Variants in TGFA observed in about 807,000 individuals in gnomAD.
TGFA encodes the protein transforming growth factor alpha, also known as protransforming growth factor alpha.
In TGFA, 12 loss-of-function variants were observed where a neutral mutation model predicts 21.7. That is an observed-to-expected ratio of 0.55 (90% CI 0.35 to 0.90). The LOEUF is 0.90. TGFA is among the 40% of genes least tolerant of loss of function. The pLI, the probability that TGFA is intolerant of heterozygous loss-of-function variation, is 0.01. For synonymous variants in TGFA, 79 were observed against 88.1 expected (o/e 0.90, Z 0.58); for missense variants, 178 against 210.8 (o/e 0.84, Z 0.96).
rs189132320 is a variant in TGFA at position 70,521,899 on chromosome 2, C to T, written c.41-6987G>A. ...AAGTGCTGGGATTACAGGCGCAGGC[C>T]ACCGTACCGAACCTATTGACAGTTT... On this transcript the variant is annotated intron_variant, in intron 1 of 5. Transcript: ENST00000295400. Among the ~76,000 whole-genome samples, 117 of 152,194 alleles carry T rather than the reference C, an allele frequency of 7.7e-4. 1 individual carries two copies. The highest frequency in any genetic ancestry group is 3.4e-3 in the Middle Eastern group (1 of 294).
At chr2:70,514,698 G>A (rs1672213161) in intron 2 of TGFA, among the ~76,000 whole-genome samples, 161 bp downstream of exon 2, 1 of 152,156 alleles carries the variant, frequency 6.6e-6, no homozygotes, top group Admixed American at 6.5e-5. Flanking sequence ...AGACCTTCCA[G>A]TGAGCGCCTC....
intron 2 of TGFA, among the ~76,000 whole-genome samples, chr2:70,489,681 T>G (rs1172109099): frequency 6.6e-6 from 1 of 152,256 alleles, no homozygotes; most frequent in Non-Finnish European, 1.5e-5. Context: ...TGAGAACCTG[T>G]GTGGCATTTT....
chr2:70,547,832 GAT>G (rs1300204699), intron 1 of TGFA, among the ~76,000 whole-genome samples: 1 of 146,346 alleles, frequency 6.8e-6, no homozygotes, highest in South Asian at 2.1e-4. Context: ...ACTATCTATA[GAT>G]ATATATAGAG....
chr2:70,472,631 T>C (rs1670790924), intron 2 of TGFA, among the ~76,000 whole-genome samples: 1 of 152,098 alleles, frequency 6.6e-6, no homozygotes, highest in Non-Finnish European at 1.5e-5. Context: ...GGACAGCTCC[T>C]CCCAACAGCC....
chr2:70,516,681 T>A (rs1433068181), intron 1 of TGFA, among the ~76,000 whole-genome samples: 2 of 152,142 alleles, frequency 1.3e-5, no homozygotes, highest in Non-Finnish European at 2.9e-5. Flanking sequence ...AAACAAGGCA[T>A]CCCCATCCAA....
intron 3 of TGFA, among the ~76,000 whole-genome samples, chr2:70,465,050 G>A (rs1482072949): frequency 3.9e-5 from 6 of 152,186 alleles, no homozygotes; most frequent in African/African-American, 9.6e-5. Context: ...GTAATACTTC[G>A]AGAAGCCCCC....
At chr2:70,466,814 A>G (rs1368849364) in intron 2 of TGFA, among the ~76,000 whole-genome samples, 1 of 152,226 alleles carries the variant, frequency 6.6e-6, no homozygotes, top group Non-Finnish European at 1.5e-5. Flanking sequence ...TGGGTAAAGA[A>G]AATGTAATAC....
chr2:70,479,098 A>G (rs1215777244), intron 2 of TGFA, among the ~76,000 whole-genome samples: 1 of 152,228 alleles, frequency 6.6e-6, no homozygotes, highest in Non-Finnish European at 1.5e-5. Context: ...CTGTACTAGT[A>G]TAACTAAACT....
intron 2 of TGFA, among the ~76,000 whole-genome samples, chr2:70,514,500 A>T (rs564736028): frequency 1.1e-4 from 16 of 151,862 alleles, no homozygotes; most frequent in Non-Finnish European, 2.2e-4. Flanking sequence ...ATGAGGGTTC[A>T]GAAATCTGGG....
At chr2:70,467,169 A>G (rs1398114871) in intron 2 of TGFA, among the ~76,000 whole-genome samples, 1 of 152,212 alleles carries the variant, frequency 6.6e-6, no homozygotes, top group African/African-American at 2.4e-5. Context: ...GAACCTGCAC[A>G]TCCTGCACAT....
At chr2:70,475,724 C>T (rs1408231700) in intron 2 of TGFA, among the ~76,000 whole-genome samples, 1 of 152,072 alleles carries the variant, frequency 6.6e-6, no homozygotes, top group Admixed American at 6.6e-5. Flanking sequence ...TAAAATAAAA[C>T]CTCAGTGGAA....
intron 1 of TGFA, among the ~76,000 whole-genome samples, chr2:70,532,881 A>G (rs1359533142): frequency 2.8e-4 from 39 of 140,710 alleles, no homozygotes; most frequent in Non-Finnish European, 3.0e-5. Context: ...TTTTTTTTTT[A>G]ACAGGGCCTC....
intron 1 of TGFA, among the ~76,000 whole-genome samples, chr2:70,519,250 C>A (rs1032931907): frequency 2.0e-5 from 3 of 152,080 alleles, no homozygotes; most frequent in Non-Finnish European, 2.9e-5. Flanking sequence ...CGGTGGGAAT[C>A]CTGCTGCTCA....
intron 3 of TGFA, among the ~76,000 whole-genome samples, chr2:70,462,040 C>T (rs1161977417): frequency 6.6e-6 from 1 of 152,154 alleles, no homozygotes; most frequent in African/African-American, 2.4e-5. Context: ...AGTGCTCCCT[C>T]TCTCGAGACT....
chr2:70,544,178 G>A (rs1673221582), intron 1 of TGFA, among the ~76,000 whole-genome samples: 1 of 151,960 alleles, frequency 6.6e-6, no homozygotes, highest in Admixed American at 6.6e-5. Context: ...TCGTACTTAA[G>A]TGTTAAATGC....
At chr2:70,479,452 C>T (rs1199531780) in intron 2 of TGFA, among the ~76,000 whole-genome samples, 1 of 152,148 alleles carries the variant, frequency 6.6e-6, no homozygotes, top group African/African-American at 2.4e-5. Context: ...CACTTCAGTG[C>T]TTATAAGACC....
chr2:70,524,315 A>G (rs1367881567), intron 1 of TGFA, among the ~76,000 whole-genome samples: 1 of 152,198 alleles, frequency 6.6e-6, no homozygotes, highest in Non-Finnish European at 1.5e-5. Context: ...GTGCAGATCT[A>G]TGCCACACCC....
chr2:70,508,910 C>A (rs148326598), intron 2 of TGFA, among the ~76,000 whole-genome samples: 2 of 152,300 alleles, frequency 1.3e-5, no homozygotes, highest in East Asian at 3.9e-4. Context: ...TGTGTTCTGT[C>A]TACTACCCTG....
chr2:70,467,827 A>G lies in TGFA; in HGVS notation c.95-2091T>C, dbSNP rs781852103. The G allele has an allele frequency of 2.0e-5, 3 of 152,194 alleles. No individual in the cohort carries two copies. The South Asian group carries it at 6.2e-4, about 32-fold the overall frequency. The allele number at this position is 152,194 out of a possible 1,614,324, so 9.4% of individuals were successfully genotyped here. ...ATCATTTTAGAAATCCCATAATTCC[A>G]GGGGGGAAAAGCAGAGGCTAAAAAT... On this transcript the variant is annotated intron_variant, in intron 2 of 5. Transcript: ENST00000295400.
Sources: allele counts gnomAD v4.1 joint callset (sites outside exome capture counted in the v4.1 genomes callset), GRCh38; gene constraint gnomAD v4.1.1; transcripts MANE v1.5; gene names NCBI Gene and HGNC (gene_info 2026-07-23, HGNC 2026-07-21).